The following ZNRF2 variants were observed in gnomAD, a reference collection of about 807,000 sequenced individuals.
ZNRF2 encodes the protein E3 ubiquitin-protein ligase ZNRF2.
A neutral mutation model predicts 20.4 loss-of-function variants in ZNRF2; 16 were observed. That is an observed-to-expected ratio of 0.79 (90% CI 0.53 to 1.19). The LOEUF is 1.19. Ranked by LOEUF, ZNRF2 falls within the 50% of genes most tolerant of loss-of-function variation. The probability of loss-of-function intolerance (pLI) is 0.00; values close to 1 mark genes in which losing one functional copy is unlikely to be tolerated. For missense variants in ZNRF2, 363 were observed against 332.4 expected (o/e 1.09, Z -0.72); for synonymous variants, 178 against 144.9 (o/e 1.23, Z -1.64).
intron 1 of ZNRF2, among the ~76,000 whole-genome samples, chr7:30,300,140 A>G (rs1463162403): frequency 6.7e-6 from 1 of 149,576 alleles, no homozygotes; most frequent in Non-Finnish European, 1.5e-5. Flanking sequence ...GAAAACATGA[A>G]TACAAGTCTT....
At chr7:30,299,465 T>C (rs1436226006) in intron 1 of ZNRF2, among the ~76,000 whole-genome samples, 1 of 151,786 alleles carries the variant, frequency 6.6e-6, no homozygotes, top group African/African-American at 2.4e-5. Flanking sequence ...TGAAAGTCAC[T>C]TTCAGTCCTC....
At chr7:30,295,742 G>A (rs1266022743) in intron 1 of ZNRF2, among the ~76,000 whole-genome samples, 3 of 152,154 alleles carry the variant, frequency 2.0e-5, no homozygotes, top group African/African-American at 7.2e-5. Context: ...TTGTAGTATT[G>A]TGAGGGTTAA....
At chr7:30,304,390 G>A (rs1799168135) in intron 1 of ZNRF2, among the ~76,000 whole-genome samples, 1 of 152,210 alleles carries the variant, frequency 6.6e-6, no homozygotes, top group Non-Finnish European at 1.5e-5. Flanking sequence ...AAGTAGTAAT[G>A]TGATAGCACT....
intron 1 of ZNRF2, among the ~76,000 whole-genome samples, chr7:30,310,713 G>A (rs1037064740): frequency 2.0e-5 from 3 of 152,140 alleles, no homozygotes; most frequent in Non-Finnish European, 4.4e-5. Context: ...TGGGGTAAAC[G>A]CACCTGATAG....
intron 1 of ZNRF2, among the ~76,000 whole-genome samples, chr7:30,296,189 GT>G (rs1278608166): frequency 2.0e-5 from 3 of 152,186 alleles, no homozygotes; most frequent in African/African-American, 7.2e-5. Context: ...GGTAGGTTAT[GT>G]TTTTATTTGT....
intron 3 of ZNRF2, among the ~76,000 whole-genome samples, chr7:30,360,853 A>G (rs2127957811): frequency 6.6e-6 from 1 of 152,340 alleles, no homozygotes; most frequent in African/African-American, 2.4e-5. Flanking sequence ...TTGTTTTAGA[A>G]TATACACATA....
chr7:30,341,667 G>A (rs1562617952), intron 2 of ZNRF2, among the ~76,000 whole-genome samples: 1 of 152,250 alleles, frequency 6.6e-6, no homozygotes, highest in South Asian at 2.1e-4. Flanking sequence ...GAATAGATGC[G>A]ATGTGGTGCT....
chr7:30,308,329 T>A (rs1799240670), intron 1 of ZNRF2, among the ~76,000 whole-genome samples: 1 of 152,224 alleles, frequency 6.6e-6, no homozygotes, highest in Non-Finnish European at 1.5e-5. Flanking sequence ...GGTGTTTGTT[T>A]CCATTTTGCC....
intron 1 of ZNRF2, among the ~76,000 whole-genome samples, chr7:30,299,154 G>A (rs147409225): frequency 0.034 from 5,179 of 152,144 alleles, 323 homozygotes; most frequent in African/African-American, 0.12. Flanking sequence ...GCCCCTGGGC[G>A]TGGTGGCTCA....
At chr7:30,353,210 A>G (rs1799985195) in intron 2 of ZNRF2, among the ~76,000 whole-genome samples, 1 of 152,130 alleles carries the variant, frequency 6.6e-6, no homozygotes, top group African/African-American at 2.4e-5. Flanking sequence ...AGAGTTGCTT[A>G]TCAAAATGCA....
intron 1 of ZNRF2, among the ~76,000 whole-genome samples, chr7:30,316,451 G>C (rs888925490): frequency 1.1e-4 from 17 of 152,108 alleles, no homozygotes; most frequent in Admixed American, 4.6e-4. Flanking sequence ...TGTTTTATAG[G>C]TTCATCAAGG....
At chr7:30,315,725 GGC>G (rs1799359519) in intron 1 of ZNRF2, among the ~76,000 whole-genome samples, 2 of 92,378 alleles carry the variant, frequency 2.2e-5, no homozygotes, top group Admixed American at 1.2e-4. Context: ...AAAAAGGTGG[GGC>G]GGGGGGGGGG....
chr7:30,356,791 C>T (rs987789012), intron 3 of ZNRF2, among the ~76,000 whole-genome samples: 3 of 149,966 alleles, frequency 2.0e-5, no homozygotes, highest in Non-Finnish European at 4.4e-5. Flanking sequence ...CTGCAAGCTC[C>T]GCCTCCTGGG....
At position 30,346,170 on chromosome 7, in the gene ZNRF2, A is replaced by ATT. The variant is rs70980598; in HGVS notation, c.566-9525_566-9524dup. ...TGTTTTTTTTTTTCTGTTAAGTCTG[A>ATT]TTTTTTTTTTTTTTTTTTTTTTTTT... On this transcript the variant is annotated intron_variant, in intron 2 of 4. Coordinates refer to ENST00000323037, the MANE Select transcript of ZNRF2 (RefSeq NM_147128.4). 2.3e-3 allele frequency among the ~76,000 whole-genome samples: 55 copies of ATT among 23,700 alleles called. 9 individuals carry two copies. Among genetic ancestry groups the ATT allele is most frequent in the Non-Finnish European group, 3.6e-3 (37 of 10,198 alleles). 15.5% of individuals were successfully genotyped at this position (23,700 alleles called of 152,430 possible).
chr7:30,349,742 A>T (rs994954418), intron 2 of ZNRF2, among the ~76,000 whole-genome samples: 2 of 152,160 alleles, frequency 1.3e-5, no homozygotes, highest in African/African-American at 4.8e-5. Flanking sequence ...TTGTGTTTTC[A>T]GGACTGGTGC....
chr7:30,289,910 C>G (rs565713884), intron 1 of ZNRF2: 12 of 531,308 alleles, frequency 2.3e-5, no homozygotes, highest in South Asian at 1.1e-4. Flanking sequence ...CCAATTTGAT[C>G]GCTTTGCCTG....
intron 1 of ZNRF2, among the ~76,000 whole-genome samples, chr7:30,317,763 ATTC>A (rs1250753172): frequency 2.6e-5 from 4 of 152,218 alleles, no homozygotes; most frequent in Non-Finnish European, 5.9e-5. Context: ...TTAGACCTAT[ATTC>A]TCTTTAAGTG....
intron 2 of ZNRF2, among the ~76,000 whole-genome samples, chr7:30,339,455 G>C (rs1216476306): frequency 1.3e-5 from 2 of 152,170 alleles, no homozygotes; most frequent in East Asian, 3.8e-4. Flanking sequence ...TAAGGTGTAA[G>C]GAAGGGGTCC....
chr7:30,296,519 A>G (rs754661310), intron 1 of ZNRF2, among the ~76,000 whole-genome samples: 1 of 152,174 alleles, frequency 6.6e-6, no homozygotes, highest in Non-Finnish European at 1.5e-5. Context: ...ATGACTTGGC[A>G]TTTACTAAAG....
Sources: allele counts gnomAD v4.1 joint callset (sites outside exome capture counted in the v4.1 genomes callset), GRCh38; gene constraint gnomAD v4.1.1; transcripts MANE v1.5; gene names NCBI Gene and HGNC (gene_info 2026-07-23, HGNC 2026-07-21).